Variants in ADAM10 observed in about 807,000 individuals in gnomAD.
ADAM10 encodes ADAM metallopeptidase domain 10.
In ADAM10, 17 loss-of-function variants were observed where a neutral mutation model predicts 90.1. The ratio of observed to expected loss-of-function variants is 0.19; its 90% CI spans 0.13 to 0.28. The LOEUF (loss-of-function observed/expected upper bound fraction) is 0.28. ADAM10 is among the 10% of genes least tolerant of loss of function. The pLI is 1.00. For missense variants in ADAM10, 610 were observed against 914.3 expected (o/e 0.67, Z 4.29); for synonymous variants, 310 against 298.6 (o/e 1.04, Z -0.40).
chr15:58,641,020 G>C lies in ADAM10; in HGVS notation c.829-60C>G, dbSNP rs114665526. 2.4e-3 allele frequency: 3,488 copies of C among 1,460,862 alleles called. 46 individuals are homozygous for C. In the African/African-American group the frequency reaches 0.03, roughly 13 times the overall value. 90.5% of individuals were successfully genotyped at this position (1,460,862 alleles called of 1,614,324 possible). A position where few individuals can be genotyped will look rare whatever the true frequency, so the allele number is the denominator to read the frequency against. On this transcript the variant is annotated intron_variant, in intron 7 of 15. Coordinates refer to ENST00000260408, the MANE Select transcript of ADAM10 (RefSeq NM_001110.4). ...ATGTTAGCAGAGCTTTAGTGTGAAT[G>C]TCTGCTCACCTTCTTCTGCGTACAC...
At chr15:58,690,165 A>T (rs557683081) in intron 2 of ADAM10, among the ~76,000 whole-genome samples, 1 of 152,300 alleles carries the variant, frequency 6.6e-6, no homozygotes, top group East Asian at 1.9e-4. Flanking sequence ...TAGGTACAGA[A>T]AAAGCATCTA....
At chr15:58,635,295 AAAG>A (rs1454185787) in intron 8 of ADAM10, among the ~76,000 whole-genome samples, 12 of 143,882 alleles carry the variant, frequency 8.3e-5, no homozygotes, top group Non-Finnish European at 1.5e-4. Context: ...AAAAAAAAAG[AAAG>A]AAAGAAAGAA....
rs189512518 is a variant in ADAM10, at chr15:58,594,708, G to A, written c.*2839C>T. On this transcript the variant is annotated 3_prime_UTR_variant, in exon 16 of 16. Transcript: ENST00000260408. ...AGGGAGGGATGGAGGGAGAGAGGAC[G>A]GACTGTAAACAGAATTTAAGCATTC... 2 of 152,056 alleles carry A rather than the reference G, an allele frequency of 1.3e-5. No individual in the cohort carries two copies. Among genetic ancestry groups the A allele is most frequent in the Non-Finnish European group, 2.9e-5 (2 of 67,964 alleles). 9.4% of individuals were successfully genotyped at this position (152,056 alleles called of 1,614,324 possible). A position where few individuals can be genotyped will look rare whatever the true frequency, so the allele number is the denominator to read the frequency against.
chr15:58,635,924 T>C (rs560219775), intron 8 of ADAM10, among the ~76,000 whole-genome samples: 2 of 152,160 alleles, frequency 1.3e-5, no homozygotes, highest in Non-Finnish European at 2.9e-5. Flanking sequence ...TATAGTAATT[T>C]ATATATTGCC....
intron 14 of ADAM10, among the ~76,000 whole-genome samples, chr15:58,604,621 C>A (rs1416579520): frequency 6.6e-6 from 1 of 152,342 alleles, no homozygotes; most frequent in African/African-American, 2.4e-5. Context: ...ACATAACTAA[C>A]AGCTCATTTA....
At chr15:58,606,126 C>T (rs774214132) in intron 14 of ADAM10, among the ~76,000 whole-genome samples, 12 of 152,146 alleles carry the variant, frequency 7.9e-5, no homozygotes, top group Non-Finnish European at 1.6e-4. Context: ...CTGGACTTCC[C>T]ATGGGTCACA....
intron 2 of ADAM10, chr15:58,692,300 C>T (rs1313443209): frequency 1.6e-6 from 1 of 607,796 alleles, no homozygotes; most frequent in African/African-American, 1.8e-5. Flanking sequence ...TTGTAGAATT[C>T]TCCACACTCT....
intron 1 of ADAM10, among the ~76,000 whole-genome samples, chr15:58,726,088 A>G (rs1308483667): frequency 2.6e-5 from 4 of 152,206 alleles, no homozygotes; most frequent in African/African-American, 9.6e-5. Context: ...CACACAATCT[A>G]CTGTGGAATT....
chr15:58,640,957 TG>T lies in ADAM10; in HGVS notation c.831del (p.Asn278IlefsTer26). 6.2e-7 allele frequency: 1 copy of T among 1,613,750 alleles called. No individual in the cohort carries two copies. The highest frequency in any genetic ancestry group is 8.5e-7 in the Non-Finnish European group (1 of 1,179,636). On this transcript the variant is annotated frameshift_variant and splice_region_variant, in exon 8 of 16. Transcript: ENST00000260408. LOFTEE classifies it high-confidence loss of function. The stretch of plus-strand genomic sequence containing the variant: ...GGGTCCTTCTCATCAGCAGTTGTAT[TG>T]ATCTAAAATCCAAAACAATAATTTA... ...NISFMVKRIR[I>X]NTTADEKDPT... is the part of the protein sequence containing the mutation.
chr15:58,718,976 A>G (rs535036668), intron 1 of ADAM10, among the ~76,000 whole-genome samples: 2 of 152,334 alleles, frequency 1.3e-5, no homozygotes, highest in Non-Finnish European at 2.9e-5. Context: ...CGAAGGGCCA[A>G]CCTTACTGTT....
intron 5 of ADAM10, among the ~76,000 whole-genome samples, chr15:58,664,521 A>G (rs1382331615): frequency 6.6e-6 from 1 of 152,196 alleles, no homozygotes; most frequent in African/African-American, 2.4e-5. Context: ...CTCAAGAAAC[A>G]TAACTCTACC....
intron 14 of ADAM10, among the ~76,000 whole-genome samples, chr15:58,605,037 G>A (rs1895231273): frequency 6.6e-6 from 1 of 152,170 alleles, no homozygotes; most frequent in Non-Finnish European, 1.5e-5. Flanking sequence ...ACTGTACCTG[G>A]CCTATAGATT....
chr15:58,683,683 A>G (rs1196739430), intron 2 of ADAM10, among the ~76,000 whole-genome samples: 2 of 151,888 alleles, frequency 1.3e-5, no homozygotes, highest in Non-Finnish European at 2.9e-5. Flanking sequence ...CCAACACAGC[A>G]AAACCGTCTC....
chr15:58,629,803 C>T (rs1417415060), intron 9 of ADAM10, among the ~76,000 whole-genome samples: 2 of 151,436 alleles, frequency 1.3e-5, no homozygotes, highest in Non-Finnish European at 2.9e-5. Flanking sequence ...GACAGAGTCT[C>T]ACTCTGTCCC....
intron 1 of ADAM10, among the ~76,000 whole-genome samples, chr15:58,726,393 C>A (rs988605244): frequency 6.6e-6 from 1 of 151,216 alleles, no homozygotes; most frequent in African/African-American, 2.4e-5. Context: ...GGTGAAACCC[C>A]ATCTCTACTA....
intron 14 of ADAM10, among the ~76,000 whole-genome samples, chr15:58,604,178 A>G (rs1895198776): frequency 3.3e-5 from 5 of 152,110 alleles, no homozygotes; most frequent in Admixed American, 2.0e-4. Flanking sequence ...CCTGGCCAAC[A>G]TGGTGAAACC....
chr15:58,634,700 AC>A (rs1800760505), intron 8 of ADAM10, among the ~76,000 whole-genome samples: 1 of 152,212 alleles, frequency 6.6e-6, no homozygotes, highest in Admixed American at 6.5e-5. Context: ...TTATATTTAT[AC>A]TTAAAGTTTT....
chr15:58,633,415 A>C, intron 8 of ADAM10, 56 bp from the exon 9 acceptor site: 1 of 1,407,254 alleles, frequency 7.1e-7, no homozygotes, highest in Non-Finnish European at 1.0e-6. Flanking sequence ...TACCCCCAAA[A>C]AGGTAATACA....
At chr15:58,643,494 C>G (rs1175020636) in intron 7 of ADAM10, among the ~76,000 whole-genome samples, 4 of 152,122 alleles carry the variant, frequency 2.6e-5, no homozygotes, top group African/African-American at 9.7e-5. Flanking sequence ...TCCCCTGGAA[C>G]ACCAAATGGA....
Sources: allele counts gnomAD v4.1 joint callset (sites outside exome capture counted in the v4.1 genomes callset), GRCh38; gene constraint gnomAD v4.1.1; transcripts MANE v1.5; gene names NCBI Gene and HGNC (gene_info 2026-07-23, HGNC 2026-07-21).